Variants in UNC13B observed in about 807,000 individuals in gnomAD.
UNC13B encodes unc-13 homolog B.
In UNC13B, 144 loss-of-function variants were observed where a neutral mutation model predicts 211.0. That is an observed-to-expected ratio of 0.68 (90% confidence interval 0.60 to 0.78). The LOEUF is 0.78. Among genes scored for constraint, UNC13B ranks in the 30% least tolerant of loss-of-function variants. The pLI is 0.00. For synonymous variants in UNC13B, 709 were observed against 725.8 expected (o/e 0.98, Z 0.37); for missense variants, 1,777 against 2,002.0 (o/e 0.89, Z 2.14).
intron 1 of UNC13B, among the ~76,000 whole-genome samples, chr9:35,213,667 A>T (rs939640200): frequency 6.6e-6 from 1 of 152,180 alleles, no homozygotes; most frequent in African/African-American, 2.4e-5. Context: ...GCTCAGTTAA[A>T]GCCTGGCCTA....
intron 11 of UNC13B, chr9:35,351,681 T>G (rs1832729739): frequency 8.1e-7 from 1 of 1,232,164 alleles, no homozygotes; most frequent in African/African-American, 1.6e-5. Flanking sequence ...GACAACTCCC[T>G]GCCCCCTTGC....
At position 35,305,639 on chromosome 9, in the gene UNC13B, C is replaced by T. The variant is rs1829888818; in HGVS notation, c.6235C>T (p.His2079Tyr). Residue 2079 changes from histidine to tyrosine, a missense_variant, in exon 9 of 40, where the codon CAT (histidine) becomes TAT (tyrosine). By Grantham distance (83) the His-to-Tyr change is moderately conservative. Transcript: ENST00000635942. The stretch of plus-strand genomic sequence containing the variant: ...TGAAAAAGAGGTACCATTCAGAGAC[C>T]ATCTAATCCAGCAGTCACCTAATTC... ...LTEKEVPFRDHLIQQSPNSSF... is the reference protein window; with the variant it reads ...LTEKEVPFRDYLIQQSPNSSF... 1.8e-5 allele frequency: 7 copies of T among 398,834 alleles called. No homozygotes were observed. The highest frequency in any genetic ancestry group is 3.1e-5 in the Non-Finnish European group (7 of 226,034). The allele number at this position is 398,834 out of a possible 1,614,324, so 24.7% of individuals were successfully genotyped here. A position where few individuals can be genotyped will look rare whatever the true frequency, so the allele number is the denominator to read the frequency against.
rs192882497 is a variant in UNC13B, at chr9:35,303,566, G to A, written c.4162G>A (p.Asp1388Asn). 59 of 398,692 alleles carry A rather than the reference G, an allele frequency of 1.5e-4. No homozygotes were observed. In the Admixed American group the frequency reaches 1.5e-3, roughly 10 times the overall value. The allele number at this position is 398,692 out of a possible 1,614,324, so 24.7% of individuals were successfully genotyped here. A position where few individuals can be genotyped will look rare whatever the true frequency, so the allele number is the denominator to read the frequency against. ...MLNQNRFLSA[D>N]ACLWLDSENS... ...AAATCAAAATAGATTTCTATCAGCCGATGCTTGCTTGTGGCTTGACTCAGA... is the reference window on the plus strand; with the variant it reads ...AAATCAAAATAGATTTCTATCAGCCAATGCTTGCTTGTGGCTTGACTCAGA... Residue 1388 changes from aspartate to asparagine, a missense_variant, in exon 9 of 40, where the codon GAT (aspartate) becomes AAT (asparagine). Physicochemically the swap from Asp to Asn is conservative, Grantham distance 23. Transcript: ENST00000635942.
intron 7 of UNC13B, among the ~76,000 whole-genome samples, chr9:35,259,635 A>G (rs768995299): frequency 1.3e-5 from 2 of 152,048 alleles, no homozygotes; most frequent in Non-Finnish European, 2.9e-5. Flanking sequence ...AAGATCACAC[A>G]GATTAATTAT....
intron 11 of UNC13B, among the ~76,000 whole-genome samples, chr9:35,347,332 A>T (rs1443100098): frequency 3.3e-5 from 5 of 152,204 alleles, no homozygotes; most frequent in Non-Finnish European, 5.9e-5. Context: ...CACAGTAAGT[A>T]CTCATGCAGT....
intron 5 of UNC13B, among the ~76,000 whole-genome samples, chr9:35,241,773 A>G (rs1564087555): frequency 2.6e-5 from 4 of 152,204 alleles, no homozygotes. Context: ...TAACAGGTGC[A>G]TAGTATACCA....
At chr9:35,194,260 G>A (rs10814213) in intron 1 of UNC13B, among the ~76,000 whole-genome samples, 27,851 of 152,116 alleles carry the variant, frequency 0.18, 2,892 homozygotes, top group Non-Finnish European at 0.24. Context: ...GTAAAACTTC[G>A]CTCACATAGC....
chr9:35,264,841 G>A (rs1827478003), intron 7 of UNC13B, among the ~76,000 whole-genome samples: 1 of 152,162 alleles, frequency 6.6e-6, no homozygotes, highest in African/African-American at 2.4e-5. Flanking sequence ...ACTTGCTTAG[G>A]ACCTGTCACC....
chr9:35,219,520 G>C (rs564788609), intron 1 of UNC13B, among the ~76,000 whole-genome samples: 1 of 151,916 alleles, frequency 6.6e-6, no homozygotes, highest in Admixed American at 6.6e-5. Context: ...GGGAGGCTAA[G>C]GCAGGAGGAT....
At chr9:35,246,225 A>G (rs551944524) in intron 6 of UNC13B, among the ~76,000 whole-genome samples, 78 of 150,640 alleles carry the variant, frequency 5.2e-4, no homozygotes, top group Admixed American at 1.3e-3. Context: ...AATTTGTTTG[A>G]GTTCATTGTA....
At chr9:35,179,106 G>T (rs544018592) in intron 1 of UNC13B, among the ~76,000 whole-genome samples, 1 of 151,820 alleles carries the variant, frequency 6.6e-6, no homozygotes, top group Non-Finnish European at 1.5e-5. Flanking sequence ...TACTTTTTTT[G>T]CTTTACTCTT....
At chr9:35,184,407 C>A (rs1409550159) in intron 1 of UNC13B, among the ~76,000 whole-genome samples, 1 of 152,210 alleles carries the variant, frequency 6.6e-6, no homozygotes, top group Non-Finnish European at 1.5e-5. Flanking sequence ...CACTGCACTC[C>A]AGCCTGGGCA....
chr9:35,403,870 CCAAGGG>C lies in UNC13B; in HGVS notation c.12863_12868del (p.Lys4288_Gly4289del). ...GTGATGCCTCTGAGGGATGTCACAG[CCAAGGG>C]CAGCTGTGCCTGCTGGTGCCCCTTG... On this transcript the variant is annotated inframe_deletion, in exon 40 of 40. Coordinates refer to ENST00000635942, the MANE Select transcript of UNC13B (RefSeq NM_001371189.2). The C allele has an allele frequency of 6.2e-7, 1 of 1,614,148 alleles. No individual in the cohort carries two copies. The highest frequency in any genetic ancestry group is 1.1e-5 in the South Asian group (1 of 91,072).
In UNC13B at chr9:35,304,134, C is replaced by T. The variant is rs145523530; in HGVS notation, c.4730C>T (p.Thr1577Met). ...DLQTNGLSSI[T>M]LDDSIISACS... ...CAGACAAATGGTCTATCAAGTATTA[C>T]GTTGGATGACAGCATTATTTCTGCC... The change falls in exon 9 of 40, where the codon ACG becomes ATG. Residue 1577 changes from threonine (T) to methionine (M), a missense_variant. Coordinates refer to ENST00000635942, the MANE Select transcript of UNC13B (RefSeq NM_001371189.2). The T allele has an allele frequency of 1.5e-3, 610 of 398,686 alleles. 2 individuals are homozygous for T. Among genetic ancestry groups the T allele is most frequent in the African/African-American group, 0.011 (555 of 48,686 alleles). 24.7% of individuals were successfully genotyped at this position (398,686 alleles called of 1,614,324 possible).
At chr9:35,371,086 A>G (rs935857948) in intron 13 of UNC13B, among the ~76,000 whole-genome samples, 5 of 152,164 alleles carry the variant, frequency 3.3e-5, no homozygotes, top group South Asian at 2.1e-4. Flanking sequence ...AAAGCTAGAA[A>G]TCGGGTGTAA....
intron 7 of UNC13B, among the ~76,000 whole-genome samples, chr9:35,260,883 ACT>A (rs1827234966): frequency 1.3e-5 from 2 of 151,944 alleles, no homozygotes; most frequent in Admixed American, 1.3e-4. Context: ...TTTACTTCCT[ACT>A]CCTTCCTGGT....
chr9:35,257,359 ATAAATATTTAT>A (rs1214203810), intron 6 of UNC13B, among the ~76,000 whole-genome samples: 72 of 3,068 alleles, frequency 0.023, no homozygotes, highest in East Asian at 0.038. Flanking sequence ...AAATATTTAT[ATAAATATTTAT>A]AAAATATTTA....
At position 35,305,154 on chromosome 9, in the gene UNC13B, G is replaced by A; in HGVS notation, c.5750G>A (p.Ser1917Asn). The A allele has an allele frequency of 5.0e-6, 2 of 398,846 alleles. No homozygotes were observed. Among genetic ancestry groups the A allele is most frequent in the Non-Finnish European group, 8.9e-6 (2 of 225,964 alleles). 24.7% of individuals were successfully genotyped at this position (398,846 alleles called of 1,614,324 possible). ...SKESDKTLFK[S>N]SLKLFSQEES... The stretch of plus-strand genomic sequence containing the variant: ...GAGTCTGATAAAACATTATTTAAAA[G>A]TTCATTGAAACTCTTCAGTCAAGAA... Residue 1917 changes from serine (S) to asparagine (N), a missense_variant, in exon 9 of 40, where the codon AGT becomes AAT. Transcript: ENST00000635942.
At chr9:35,285,372 C>T (rs1828732271) in intron 7 of UNC13B, among the ~76,000 whole-genome samples, 1 of 152,184 alleles carries the variant, frequency 6.6e-6, no homozygotes, top group Non-Finnish European at 1.5e-5. Flanking sequence ...ATTAGAATCT[C>T]TGTGAGTAGA....
Sources: gnomAD v4.1 joint callset for allele counts (sites outside exome capture counted in the v4.1 genomes callset) on GRCh38, gnomAD v4.1.1 for gene constraint, MANE v1.5 for transcripts, NCBI Gene and HGNC (gene_info 2026-07-23, HGNC 2026-07-21) for gene names.